BMPR1B: variants seen among roughly 807,000 people sequenced by gnomAD.
BMPR1B encodes the protein bone morphogenetic protein receptor type 1B.
A neutral mutation model predicts 59.1 loss-of-function variants in BMPR1B; 12 were observed. The ratio of observed to expected loss-of-function variants is 0.20; its 90% CI spans 0.13 to 0.33. BMPR1B has a LOEUF of 0.33. Ranked by LOEUF, BMPR1B falls within the 10% of genes least tolerant of loss-of-function variation. BMPR1B has a pLI of 1.00. For synonymous variants in BMPR1B, 237 were observed against 207.3 expected (o/e 1.14, Z -1.23); for missense variants, 550 against 610.9 (o/e 0.90, Z 1.05).
chr4:94,882,956 G>C (rs573516263), intron 2 of BMPR1B, among the ~76,000 whole-genome samples: 3 of 147,518 alleles, frequency 2.0e-5, no homozygotes, highest in East Asian at 3.9e-4. Context: ...TTTCTTTCCT[G>C]TGTGTGTGTG....
intron 2 of BMPR1B, among the ~76,000 whole-genome samples, chr4:94,879,393 A>T (rs1028972162): frequency 6.6e-6 from 1 of 152,208 alleles, no homozygotes; most frequent in Non-Finnish European, 1.5e-5. Context: ...TAGAGCCCAC[A>T]AGTTTGAAAC....
chr4:94,918,517 A>T (rs1224363683), intron 2 of BMPR1B, among the ~76,000 whole-genome samples: 1 of 152,044 alleles, frequency 6.6e-6, no homozygotes, highest in African/African-American at 2.4e-5. Flanking sequence ...TCTCTGCAAA[A>T]ATTAAAAAAT....
chr4:94,856,176 TTTG>T (rs543204302), intron 1 of BMPR1B, among the ~76,000 whole-genome samples: 10 of 152,280 alleles, frequency 6.6e-5, no homozygotes, highest in African/African-American at 1.7e-4. Flanking sequence ...AGAGGTAGTT[TTTG>T]TTGTTGTTGT....
chr4:94,866,793 A>G (rs912245250), intron 1 of BMPR1B, among the ~76,000 whole-genome samples: 3 of 152,250 alleles, frequency 2.0e-5, no homozygotes, highest in East Asian at 1.9e-4. Flanking sequence ...CATGTTGGCC[A>G]GGATGGTCTC....
At chr4:94,816,898 G>A (rs1724029206) in intron 1 of BMPR1B, among the ~76,000 whole-genome samples, 1 of 152,104 alleles carries the variant, frequency 6.6e-6, no homozygotes, top group Admixed American at 6.6e-5. Flanking sequence ...TCTGAATGTG[G>A]CCCCCAAAAT....
At chr4:94,789,953 G>A (rs1049619730) in intron 1 of BMPR1B, among the ~76,000 whole-genome samples, 1 of 152,078 alleles carries the variant, frequency 6.6e-6, no homozygotes, top group Admixed American at 6.6e-5. Flanking sequence ...ACATGAAGAC[G>A]ATGAGGATGA....
chr4:94,972,844 A>G (rs546311585), intron 2 of BMPR1B, among the ~76,000 whole-genome samples: 1 of 152,168 alleles, frequency 6.6e-6, no homozygotes, highest in African/African-American at 2.4e-5. Flanking sequence ...GAAGCAGGGT[A>G]TTTTCTTGAC....
At chr4:94,887,421 AAAC>A (rs1056269464) in intron 2 of BMPR1B, among the ~76,000 whole-genome samples, 4 of 150,198 alleles carry the variant, frequency 2.7e-5, no homozygotes, top group Non-Finnish European at 4.5e-5. Context: ...AAAAAAAAAA[AAAC>A]AAGAAGCAGA....
chr4:94,959,544 TCTC>T (rs1222988475), intron 2 of BMPR1B, among the ~76,000 whole-genome samples: 1 of 152,208 alleles, frequency 6.6e-6, no homozygotes, highest in Non-Finnish European at 1.5e-5. Context: ...ATTTCTTACT[TCTC>T]ACATTTCTTT....
At chr4:95,139,434 T>C (rs1734051255) in intron 10 of BMPR1B, among the ~76,000 whole-genome samples, 1 of 152,188 alleles carries the variant, frequency 6.6e-6, no homozygotes, top group Non-Finnish European at 1.5e-5. Flanking sequence ...CACTACTCTT[T>C]TCAAAGCTGT....
chr4:94,941,420 G>T (rs1403824821), intron 2 of BMPR1B, among the ~76,000 whole-genome samples: 2 of 139,400 alleles, frequency 1.4e-5, no homozygotes, highest in Non-Finnish European at 3.1e-5. Flanking sequence ...TGACAAGAGT[G>T]AAAACTGTCT....
chr4:94,927,172 A>C (rs1479069132), intron 2 of BMPR1B, among the ~76,000 whole-genome samples: 1 of 152,118 alleles, frequency 6.6e-6, no homozygotes, highest in Non-Finnish European at 1.5e-5. Context: ...CTTGCGAGTC[A>C]CTGATGAATT....
intron 1 of BMPR1B, among the ~76,000 whole-genome samples, chr4:94,781,737 C>T (rs1157481398): frequency 1.3e-5 from 2 of 152,224 alleles, no homozygotes; most frequent in South Asian, 2.1e-4. Context: ...CCTATATTTT[C>T]ACCTTCATTT....
chr4:94,945,520 T>G (rs9684200), intron 2 of BMPR1B, among the ~76,000 whole-genome samples: 37,625 of 152,064 alleles, frequency 0.25, 4,682 homozygotes, highest in South Asian at 0.36. Flanking sequence ...CTGCAACCTC[T>G]AACCCTGGCT....
chr4:94,900,147 C>G (rs543837227), intron 2 of BMPR1B, among the ~76,000 whole-genome samples: 3 of 151,324 alleles, frequency 2.0e-5, no homozygotes, highest in African/African-American at 7.3e-5. Flanking sequence ...AAACCTGTAA[C>G]TTATCCAGTC....
At chr4:94,947,248 A>G (rs940772461) in intron 2 of BMPR1B, among the ~76,000 whole-genome samples, 3 of 152,228 alleles carry the variant, frequency 2.0e-5, no homozygotes, top group Admixed American at 2.0e-4. Flanking sequence ...TTCCAAGGAC[A>G]ACCATCCGTG....
At chr4:94,927,256 G>C (rs1265759001) in intron 2 of BMPR1B, among the ~76,000 whole-genome samples, 1 of 152,124 alleles carries the variant, frequency 6.6e-6, no homozygotes, top group East Asian at 1.9e-4. Flanking sequence ...GTGTTACTAT[G>C]ATCAGATCAT....
At chr4:95,131,597 A>C in intron 10 of BMPR1B, 85 bp downstream of exon 10, 1 of 1,434,102 alleles carries the variant, frequency 7.0e-7, no homozygotes, top group Non-Finnish European at 9.7e-7. Flanking sequence ...TAGGATATTT[A>C]GTAGAAGAGG....
chr4:95,031,746 A>C (rs1724875354), intron 3 of BMPR1B, among the ~76,000 whole-genome samples: 1 of 152,094 alleles, frequency 6.6e-6, no homozygotes, highest in African/African-American at 2.4e-5. Flanking sequence ...GGTTGAACAA[A>C]GGGGTTTAAA....
Sources: allele counts gnomAD v4.1 joint callset (sites outside exome capture counted in the v4.1 genomes callset), GRCh38; gene constraint gnomAD v4.1.1; transcripts MANE v1.5; gene names NCBI Gene and HGNC (gene_info 2026-07-23, HGNC 2026-07-21).